ANKRD31: variants seen among roughly 807,000 people sequenced by gnomAD.
ANKRD31 encodes the protein ankyrin repeat domain 31.
In ANKRD31, 147 loss-of-function variants were observed where a neutral mutation model predicts 186.0. That is an observed-to-expected ratio of 0.79 (90% CI 0.69 to 0.91). ANKRD31 has a LOEUF of 0.91. ANKRD31 is among the 40% of genes least tolerant of loss of function. The pLI, the probability that ANKRD31 is intolerant of heterozygous loss-of-function variation, is 0.00. For synonymous variants in ANKRD31, 673 were observed against 736.4 expected, an observed-to-expected ratio of 0.91 and a Z score of 1.39; for missense variants, 1,986 against 2,148.8, an observed-to-expected ratio of 0.92 and a Z score of 1.50.
chr5:75,142,833 T>C (rs1429831148), intron 15 of ANKRD31, among the ~76,000 whole-genome samples: 1 of 152,144 alleles, frequency 6.6e-6, no homozygotes, highest in Non-Finnish European at 1.5e-5. Context: ...AGTTCAATTC[T>C]CTGCTCAAGT....
rs1313019121 is a variant in ANKRD31, at chr5:75,107,517, T to C, written c.4340+4A>G. Reference sequence around the variant, plus strand: ...GCACTCTTTTTTTTTCTTTTTCTACTCACCTGTATTTTTTAGCCAGATCAT... The same window carrying C: ...GCACTCTTTTTTTTTCTTTTTCTACCCACCTGTATTTTTTAGCCAGATCAT... On this transcript the variant is annotated splice_donor_region_variant and intron_variant, in intron 21 of 25. Coordinates refer to ENST00000506364, the MANE Select transcript of ANKRD31 (RefSeq NM_001372053.1). The C allele has an allele frequency of 3.3e-6, 5 of 1,501,644 alleles. No individual in the cohort carries two copies. In the East Asian group the frequency reaches 1.2e-4, roughly 37 times the overall value. The allele number at this position is 1,501,644 out of a possible 1,614,324, so 93.0% of individuals were successfully genotyped here.
chr5:75,144,784 A>T (rs1267080885), intron 14 of ANKRD31, among the ~76,000 whole-genome samples: 2 of 152,218 alleles, frequency 1.3e-5, no homozygotes, highest in African/African-American at 4.8e-5. Flanking sequence ...ACAGCAAAAG[A>T]AACTATCATC....
At chr5:75,229,691 C>T (rs998235933) in intron 2 of ANKRD31, among the ~76,000 whole-genome samples, 1 of 151,648 alleles carries the variant, frequency 6.6e-6, no homozygotes, top group African/African-American at 2.4e-5. Context: ...ATGGTGAAAC[C>T]CCGTCTCTAC....
chr5:75,080,487 CTATTTG>C lies in ANKRD31; in HGVS notation c.5647+75_5647+80del, dbSNP rs1411313456. 1.1e-5 allele frequency: 10 copies of C among 909,836 alleles called. No individual in the cohort carries two copies. The African/African-American group carries it at 1.7e-4, about 15-fold the overall frequency. The allele number at this position is 909,836 out of a possible 1,614,324, so 56.4% of individuals were successfully genotyped here. ...AGTGATATGCATAATATTTGACAAT[CTATTTG>C]ATCTATTTGCACAATATGTAGAATC... is the stretch of plus-strand genomic sequence containing the variant. On this transcript the variant is annotated intron_variant, in intron 25 of 25. Transcript: ENST00000506364.
At chr5:75,236,559 C>T (rs1221862109) in intron 1 of ANKRD31, 24 bp downstream of exon 1, 3 of 1,533,374 alleles carry the variant, frequency 2.0e-6, no homozygotes, top group African/African-American at 1.4e-5. Context: ...AGGGTTCAGG[C>T]ACTGTGGCCC....
intron 3 of ANKRD31, among the ~76,000 whole-genome samples, chr5:75,221,949 T>A (rs1757331108): frequency 6.6e-6 from 1 of 152,216 alleles, no homozygotes; most frequent in South Asian, 2.1e-4. Context: ...TATAAGTAGT[T>A]AAGTTTTGGG....
intron 22 of ANKRD31, among the ~76,000 whole-genome samples, chr5:75,103,862 G>T (rs1040447845): frequency 6.6e-6 from 1 of 152,166 alleles, no homozygotes; most frequent in Non-Finnish European, 1.5e-5. Flanking sequence ...AGTGCAGTTG[G>T]GGGAGGGAGA....
chr5:75,104,902 G>A lies in ANKRD31; in HGVS notation c.4657C>T (p.Gln1553Ter). The change falls in exon 22 of 26, where the codon CAA becomes TAA. Residue 1553 changes from glutamine to a stop codon, truncating the protein, a stop_gained. Coordinates refer to ENST00000506364, the MANE Select transcript of ANKRD31 (RefSeq NM_001372053.1). LOFTEE classifies it high-confidence loss of function. ...GAATTTAGACAAATGTTGGTATTTTGGCTGTAGTTCCAAGTTTCCAGAGAC... is the reference window on the plus strand; with the variant it reads ...GAATTTAGACAAATGTTGGTATTTTAGCTGTAGTTCCAAGTTTCCAGAGAC... ...QLSLETWNYS[Q>*]NTNICLNSEA... is the part of the protein sequence containing the mutation. The A allele has an allele frequency of 6.5e-7, 1 of 1,537,134 alleles. No individual in the cohort carries two copies. The highest frequency in any genetic ancestry group is 8.7e-7 in the Non-Finnish European group (1 of 1,146,878).
intron 22 of ANKRD31, among the ~76,000 whole-genome samples, chr5:75,095,399 G>A (rs1039895164): frequency 6.6e-5 from 10 of 152,010 alleles, no homozygotes; most frequent in African/African-American, 1.2e-4. Context: ...GCATGAACCC[G>A]GCAGGCAGAG....
At chr5:75,094,457 T>C (rs1397815702) in intron 22 of ANKRD31, among the ~76,000 whole-genome samples, 1 of 152,154 alleles carries the variant, frequency 6.6e-6, no homozygotes, top group Non-Finnish European at 1.5e-5. Flanking sequence ...TAAGTTAGTA[T>C]GAATCTGAAG....
intron 4 of ANKRD31, 117 bp downstream of exon 4, chr5:75,210,711 G>T: frequency 1.5e-6 from 1 of 663,570 alleles, no homozygotes; most frequent in South Asian, 3.3e-5. Flanking sequence ...TACAAAATGG[G>T]CAATTATTCA....
At chr5:75,089,218 T>C (rs955798730) in intron 23 of ANKRD31, among the ~76,000 whole-genome samples, 1 of 152,184 alleles carries the variant, frequency 6.6e-6, no homozygotes, top group East Asian at 1.9e-4. Flanking sequence ...CACCAGAATG[T>C]TGTCCAACAG....
rs557289807 is a variant in ANKRD31 at position 75,186,062 on chromosome 5, T to G, written c.1564+2431A>C. Among the ~76,000 whole-genome samples, 78 of 152,084 alleles carry G rather than the reference T, an allele frequency of 5.1e-4. 1 individual carries two copies. The highest frequency in any genetic ancestry group is 8.1e-4 in the Non-Finnish European group (55 of 68,006). ...TGAAGACCACAGAAATCGCTACAGA[T>G]TACAGAAAGAAATCAAATGTAACAG... On this transcript the variant is annotated intron_variant, in intron 10 of 25. Transcript: ENST00000506364.
chr5:75,077,276 G>C (rs1047891201), intron 25 of ANKRD31, among the ~76,000 whole-genome samples: 2 of 152,026 alleles, frequency 1.3e-5, no homozygotes, highest in African/African-American at 4.8e-5. Context: ...TCACTTTGTT[G>C]TCCAGGCTGG....
rs1235529779 is a variant in ANKRD31 at position 75,084,273 on chromosome 5, T to C, written c.5574A>G (p.Pro1858=). The C allele has an allele frequency of 2.6e-6, 4 of 1,534,054 alleles. No homozygotes were observed. In the South Asian group the frequency reaches 4.8e-5, roughly 18 times the overall value. ...SVPQQYQPCL[P]EVACLDDPVQ... ...AAATGAGTGTTGTTCTGTACATACC[T>C]GGAAGACAAGGTTGATATTGCTGAG... Residue 1858 remains proline (P), a splice_region_variant and synonymous_variant, in exon 24 of 26, where the codon CCA becomes CCG. Transcript: ENST00000506364.
At chr5:75,087,592 CAATCTT>C (rs1745601283) in intron 23 of ANKRD31, among the ~76,000 whole-genome samples, 1 of 151,848 alleles carries the variant, frequency 6.6e-6, no homozygotes, top group African/African-American at 2.4e-5. Context: ...TTTAAGAAGT[CAATCTT>C]ACAAAGTTTC....
chr5:75,230,822 T>C (rs983528685), intron 1 of ANKRD31, among the ~76,000 whole-genome samples, 187 bp from the exon 2 acceptor site: 2 of 152,198 alleles, frequency 1.3e-5, no homozygotes, highest in African/African-American at 4.8e-5. Context: ...AGATGAAAAA[T>C]AAAGACTCAT....
chr5:75,225,059 C>T (rs1757551024), intron 2 of ANKRD31, among the ~76,000 whole-genome samples: 1 of 152,100 alleles, frequency 6.6e-6, no homozygotes, highest in South Asian at 2.1e-4. Flanking sequence ...AAATCAGATA[C>T]TTTTTATTTG....
At chr5:75,091,480 T>C in intron 22 of ANKRD31, 79 bp from the exon 23 acceptor site, 1 of 1,354,402 alleles carries the variant, frequency 7.4e-7, no homozygotes, top group East Asian at 2.5e-5. Flanking sequence ...CATGACAAAG[T>C]AACAGGGACC....
Sources: allele counts gnomAD v4.1 joint callset (sites outside exome capture counted in the v4.1 genomes callset), GRCh38; gene constraint gnomAD v4.1.1; transcripts MANE v1.5; gene names NCBI Gene and HGNC (gene_info 2026-07-23, HGNC 2026-07-21).